Variants in PRKG1 observed in about 807,000 individuals in gnomAD.
PRKG1 encodes the protein protein kinase cGMP-dependent 1, also known as cGMP-dependent protein kinase 1.
PRKG1 carries 35 observed loss-of-function variants against 88.1 expected under a neutral mutation model. The observed-to-expected ratio is 0.40, with a 90% CI of 0.30 to 0.53. The LOEUF (loss-of-function observed/expected upper bound fraction) is 0.53, where lower values mean the gene tolerates loss of function less well. Among genes scored for constraint, PRKG1 ranks in the 20% least tolerant of loss-of-function variants. PRKG1 has a pLI of 0.59. For synonymous variants in PRKG1, 303 were observed against 292.5 expected (o/e 1.04, Z -0.37); for missense variants, 540 against 839.8 (o/e 0.64, Z 4.41).
chr10:51,603,970 G>T (rs1031227752), intron 3 of PRKG1, among the ~76,000 whole-genome samples: 6 of 152,074 alleles, frequency 3.9e-5, no homozygotes, highest in Non-Finnish European at 8.8e-5. Context: ...GAATCCCAAG[G>T]TCTAGGTGTT....
intron 3 of PRKG1, among the ~76,000 whole-genome samples, chr10:51,776,458 A>G (rs2132554544): frequency 6.6e-6 from 1 of 152,302 alleles, no homozygotes; most frequent in East Asian, 1.9e-4. Flanking sequence ...TTTAAGACCC[A>G]GTATAAATTA....
chr10:52,069,105 C>T (rs1846430219), intron 7 of PRKG1, among the ~76,000 whole-genome samples: 1 of 152,218 alleles, frequency 6.6e-6, no homozygotes, highest in South Asian at 2.1e-4. Context: ...GTTGAATAGA[C>T]ATTAATATTA....
At chr10:51,694,092 G>A (rs1841220374) in intron 3 of PRKG1, among the ~76,000 whole-genome samples, 1 of 152,128 alleles carries the variant, frequency 6.6e-6, no homozygotes, top group South Asian at 2.1e-4. Flanking sequence ...GATGAAAAAA[G>A]TAAGCTTCAA....
At chr10:52,248,979 C>T (rs1380507200) in intron 9 of PRKG1, among the ~76,000 whole-genome samples, 1 of 94,182 alleles carries the variant, frequency 1.1e-5, no homozygotes, top group African/African-American at 4.2e-5. Flanking sequence ...CCCCCTTCCC[C>T]CTTCCCCACG....
intron 2 of PRKG1, among the ~76,000 whole-genome samples, chr10:51,424,523 A>G (rs1361642181): frequency 1.3e-5 from 2 of 152,146 alleles, no homozygotes; most frequent in African/African-American, 4.8e-5. Context: ...TCTTCTTGCA[A>G]GACTGCTTTG....
chr10:51,296,463 G>A (rs933928072), intron 2 of PRKG1, among the ~76,000 whole-genome samples: 5 of 152,022 alleles, frequency 3.3e-5, no homozygotes, highest in African/African-American at 1.2e-4. Context: ...CAGTTTGTCA[G>A]CATATAATTG....
intron 1 of PRKG1, among the ~76,000 whole-genome samples, chr10:51,142,520 C>T (rs1005775078): frequency 4.0e-5 from 6 of 151,888 alleles, no homozygotes; most frequent in Admixed American, 3.9e-4. Context: ...GAGAGAGACA[C>T]AGACATAGAG....
intron 5 of PRKG1, among the ~76,000 whole-genome samples, chr10:51,983,641 G>A (rs1367290705): frequency 6.6e-6 from 1 of 152,148 alleles, no homozygotes; most frequent in Non-Finnish European, 1.5e-5. Context: ...GGCATTCCTG[G>A]CTGTGTTCCT....
intron 5 of PRKG1, among the ~76,000 whole-genome samples, chr10:52,018,582 A>G (rs1845102139): frequency 6.6e-6 from 1 of 152,208 alleles, no homozygotes; most frequent in Non-Finnish European, 1.5e-5. Flanking sequence ...CCCCAAAACA[A>G]CACAGGATCT....
intron 5 of PRKG1, 49 bp downstream of exon 5, chr10:51,907,619 T>A: frequency 2.0e-6 from 3 of 1,496,470 alleles, no homozygotes; most frequent in Non-Finnish European, 2.8e-6. Flanking sequence ...CCAGCCTGCT[T>A]GGCTGGCTTC....
chr10:51,252,938 G>T (rs1354915863), intron 2 of PRKG1, among the ~76,000 whole-genome samples: 1 of 151,736 alleles, frequency 6.6e-6, no homozygotes, highest in Non-Finnish European at 1.5e-5. Flanking sequence ...AAAATGAAAG[G>T]CATTCTGGCA....
intron 5 of PRKG1, among the ~76,000 whole-genome samples, chr10:51,986,685 T>C (rs148672256): frequency 5.5e-4 from 84 of 152,336 alleles, no homozygotes; most frequent in Non-Finnish European, 2.1e-4. Flanking sequence ...GAGCAGACTC[T>C]ACCTTGGTAA....
At chr10:51,436,138 G>C (rs1199207045) in intron 2 of PRKG1, among the ~76,000 whole-genome samples, 4 of 151,512 alleles carry the variant, frequency 2.6e-5, no homozygotes, top group Admixed American at 2.0e-4. Flanking sequence ...TGCCCTTACA[G>C]GGTGCTGGGA....
chr10:51,719,718 T>C (rs10740325), intron 3 of PRKG1, among the ~76,000 whole-genome samples: 67,253 of 152,070 alleles, frequency 0.44, 15,495 homozygotes, highest in Middle Eastern at 0.56. Context: ...GGGTTGTGTA[T>C]GATGGTAACA....
At chr10:51,106,664 A>G (rs1224434894) in intron 1 of PRKG1, among the ~76,000 whole-genome samples, 2 of 152,204 alleles carry the variant, frequency 1.3e-5, no homozygotes, top group Admixed American at 1.3e-4. Context: ...CCCAGATTGA[A>G]GGCCTTTTTA....
intron 2 of PRKG1, among the ~76,000 whole-genome samples, chr10:51,422,673 CTCTG>C (rs2308136): frequency 0.075 from 11,381 of 152,078 alleles, 1,220 homozygotes; most frequent in African/African-American, 0.24. Context: ...GTTTCCAGGC[CTCTG>C]TCTAAGATTC....
chr10:51,046,163 C>A (rs928141962), intron 1 of PRKG1, among the ~76,000 whole-genome samples: 5 of 152,214 alleles, frequency 3.3e-5, no homozygotes, highest in African/African-American at 1.2e-4. Context: ...TACATAGGAA[C>A]CTTGGTTGAA....
chr10:51,246,902 C>T (rs947417522), intron 2 of PRKG1, among the ~76,000 whole-genome samples: 1 of 152,008 alleles, frequency 6.6e-6, no homozygotes, highest in Non-Finnish European at 1.5e-5. Context: ...GTTATATCTT[C>T]CAGTTCTTAA....
intron 2 of PRKG1, among the ~76,000 whole-genome samples, chr10:51,228,278 T>C (rs1252391235): frequency 6.6e-6 from 1 of 152,178 alleles, no homozygotes; most frequent in African/African-American, 2.4e-5. Context: ...CCTTACTGCT[T>C]AGAATGTTCA....
Sources: allele counts gnomAD v4.1 joint callset (sites outside exome capture counted in the v4.1 genomes callset), GRCh38; gene constraint gnomAD v4.1.1; transcripts MANE v1.5; gene names NCBI Gene and HGNC (gene_info 2026-07-23, HGNC 2026-07-21).